Variants in ARID2 observed in about 807,000 individuals in gnomAD.
The protein encoded by ARID2 is AT-rich interaction domain 2, also known as AT-rich interactive domain-containing protein 2.
A neutral mutation model predicts 184.6 loss-of-function variants in ARID2; 32 were observed. The observed-to-expected ratio is 0.17, with a 90% CI of 0.13 to 0.23. ARID2 has a LOEUF of 0.23. ARID2 is among the 10% of genes least tolerant of loss of function. ARID2 has a pLI of 1.00. For synonymous variants in ARID2, 836 were observed against 772.6 expected, an observed-to-expected ratio of 1.08 and a Z score of -1.36; for missense variants, 1,696 against 2,197.6, an observed-to-expected ratio of 0.77 and a Z score of 4.56.
At chr12:45,854,560 A>G (rs1290967940) in intron 15 of ARID2, among the ~76,000 whole-genome samples, 4 of 152,234 alleles carry the variant, frequency 2.6e-5, no homozygotes, top group Non-Finnish European at 4.4e-5. Context: ...TAGATATTCC[A>G]TAGTTAGGTT....
chr12:45,850,594 C>T lies in ARID2; in HGVS notation c.2471C>T (p.Thr824Ile), dbSNP rs2138163338. The T allele has an allele frequency of 1.2e-6, 2 of 1,614,112 alleles. No individual in the cohort carries two copies. The highest frequency in any genetic ancestry group is 1.7e-6 in the Non-Finnish European group (2 of 1,179,984). ...TVSQGQQLITTSPQPVQTSSQ... is the reference protein window; with the variant it reads ...TVSQGQQLITISPQPVQTSSQ... ...TCACAGGGTCAACAGTTAATCACCA[C>T]ATCACCCCAACCTGTGCAAACTTCA... The change falls in exon 15 of 21, where the codon ACA becomes ATA. Residue 824 changes from threonine (T) to isoleucine (I), a missense_variant. Physicochemically the swap from Thr to Ile is moderately conservative, Grantham distance 89 (BLOSUM62 -1). Coordinates refer to ENST00000334344, the MANE Select transcript of ARID2 (RefSeq NM_152641.4).
chr12:45,739,695 C>T (rs980679994), intron 3 of ARID2, among the ~76,000 whole-genome samples: 10 of 151,768 alleles, frequency 6.6e-5, no homozygotes, highest in East Asian at 5.8e-4. Context: ...TTAAATAATA[C>T]GTATCTTTCA....
intron 3 of ARID2, among the ~76,000 whole-genome samples, chr12:45,731,950 T>A (rs1941011794): frequency 2.0e-5 from 3 of 152,028 alleles, no homozygotes; most frequent in African/African-American, 7.2e-5. Context: ...TGAAATGGGA[T>A]ACTATAATCT....
chr12:45,751,395 A>G (rs562339149), intron 3 of ARID2, among the ~76,000 whole-genome samples: 1 of 152,218 alleles, frequency 6.6e-6, no homozygotes, highest in Admixed American at 6.5e-5. Flanking sequence ...AGAGAGGTAC[A>G]ATCTGGGAGC....
intron 3 of ARID2, among the ~76,000 whole-genome samples, chr12:45,754,694 C>T (rs892024644): frequency 1.3e-5 from 2 of 152,226 alleles, no homozygotes; most frequent in South Asian, 2.1e-4. Flanking sequence ...ATTTATATCT[C>T]TATTACAAAC....
In ARID2 at chr12:45,808,709, C is replaced by T. The variant is rs542466015; in HGVS notation, c.285-2709C>T. On this transcript the variant is annotated intron_variant, in intron 3 of 20. Coordinates refer to ENST00000334344, the MANE Select transcript of ARID2 (RefSeq NM_152641.4). ...CTAACAATGTTGCTTTCTCTCCCGG[C>T]CGTTATTAAAAATGTGTGTTTGCGT... Among the ~76,000 whole-genome samples, 3 of 151,620 alleles carry T rather than the reference C, an allele frequency of 2.0e-5. No homozygotes were observed. In the East Asian group the frequency reaches 5.8e-4, roughly 29 times the overall value.
intron 16 of ARID2, chr12:45,880,946 A>T: frequency 5.0e-6 from 1 of 200,636 alleles, no homozygotes; most frequent in Non-Finnish European, 1.1e-5. Flanking sequence ...TTAATCTTCG[A>T]ACTTGACTTG....
At chr12:45,761,886 C>T (rs376430100) in intron 3 of ARID2, among the ~76,000 whole-genome samples, 3 of 152,040 alleles carry the variant, frequency 2.0e-5, no homozygotes, top group East Asian at 1.9e-4. Flanking sequence ...TTTTAACTAG[C>T]GCTTTATTCA....
At chr12:45,808,479 T>C (rs903377569) in intron 3 of ARID2, among the ~76,000 whole-genome samples, 2 of 152,132 alleles carry the variant, frequency 1.3e-5, no homozygotes, top group Non-Finnish European at 2.9e-5. Flanking sequence ...AAGAATCTGT[T>C]TGGAAGAATA....
rs1455202847 is a variant in ARID2, at chr12:45,850,998, A to C, written c.2875A>C (p.Thr959Pro). ...ANPAALPAGQTVQLTGQPNIT... is the reference protein window; with the variant it reads ...ANPAALPAGQPVQLTGQPNIT... The stretch of plus-strand genomic sequence containing the variant: ...TCCAGCAGCTCTTCCAGCTGGTCAG[A>C]CAGTTCAGCTAACTGGACAACCTAA... The change falls in exon 15 of 21, where the codon ACA (threonine) becomes CCA (proline). Residue 959 changes from threonine to proline, a missense_variant. Physicochemically the swap from Thr to Pro is conservative, Grantham distance 38. This residue lies in a region of ARID2 where 713 missense variants were observed against 824.4 expected (regional missense o/e 0.86). Transcript: ENST00000334344. 1 of 1,614,144 alleles carries C rather than the reference A, an allele frequency of 6.2e-7. No homozygotes were observed. The highest frequency in any genetic ancestry group is 8.5e-7 in the Non-Finnish European group (1 of 1,180,008).
At chr12:45,807,104 T>G (rs1024380961) in intron 3 of ARID2, among the ~76,000 whole-genome samples, 1 of 152,192 alleles carries the variant, frequency 6.6e-6, no homozygotes, top group Admixed American at 6.5e-5. Flanking sequence ...AAGATGTGTT[T>G]TGTAAGTTGG....
rs573867716 is a variant in ARID2, at chr12:45,731,857, T to C, written c.284+543T>C. On this transcript the variant is annotated intron_variant, in intron 3 of 20. Coordinates refer to ENST00000334344, the MANE Select transcript of ARID2 (RefSeq NM_152641.4). ...ACCAGGATTGTTTTGATAATTACTT[T>C]TTGTTGAATTTCCAGTGACTTAAAT... is the stretch of plus-strand genomic sequence containing the variant. Among the ~76,000 whole-genome samples, 5 of 152,152 alleles carry C rather than the reference T, an allele frequency of 3.3e-5. No individual in the cohort carries two copies. In the East Asian group the frequency reaches 9.6e-4, roughly 29 times the overall value.
chr12:45,763,695 T>C (rs897487068), intron 3 of ARID2, among the ~76,000 whole-genome samples: 3 of 152,142 alleles, frequency 2.0e-5, no homozygotes. Context: ...TTTTCTGTGT[T>C]GCTCAGACTA....
rs1943736579 is a variant in ARID2, at chr12:45,860,999, G to A, written c.4922+50G>A. 2.2e-6 allele frequency: 3 copies of A among 1,380,272 alleles called. No homozygotes were observed. The South Asian group carries it at 6.1e-5, about 28-fold the overall frequency. 85.5% of individuals were successfully genotyped at this position (1,380,272 alleles called of 1,614,324 possible). On this transcript the variant is annotated intron_variant, in intron 16 of 20. Coordinates refer to ENST00000334344, the MANE Select transcript of ARID2 (RefSeq NM_152641.4). ...ATAAAAGTATTCTTTGTTTTGGAATGCTTTTATATTTAAGTTTCTGTCATC... is the reference window on the plus strand; with the variant it reads ...ATAAAAGTATTCTTTGTTTTGGAATACTTTTATATTTAAGTTTCTGTCATC...
rs1943564780 is a variant in ARID2, at chr12:45,852,189, C to A, written c.4066C>A (p.Pro1356Thr). The change falls in exon 15 of 21, where the codon CCG becomes ACG. Residue 1356 changes from proline (P) to threonine (T), a missense_variant. By Grantham distance (38) the Pro-to-Thr change is conservative (BLOSUM62 -1). This residue lies in a region of ARID2 where 428 missense variants were observed against 409.1 expected (regional missense o/e 1.05). Coordinates refer to ENST00000334344, the MANE Select transcript of ARID2 (RefSeq NM_152641.4). ...MQDIKSDLRK[P>T]LVNGICDFDK... ...AGATATCAAAAGTGATTTGAGAAAA[C>A]CGCTAGTTAATGGAATCTGTGATTT... The A allele has an allele frequency of 6.2e-7, 1 of 1,614,010 alleles. No homozygotes were observed. The highest frequency in any genetic ancestry group is 1.1e-5 in the South Asian group (1 of 91,074).
Position 45,837,368 on chromosome 12 carries a change from T to G in ARID2, c.1071T>G (p.His357Gln). 6.2e-7 allele frequency: 1 copy of G among 1,612,442 alleles called. No individual in the cohort carries two copies. Among genetic ancestry groups the G allele is most frequent in the Non-Finnish European group, 8.5e-7 (1 of 1,179,528 alleles). The change falls in exon 9 of 21, where the codon CAT (histidine) becomes CAG (glutamine). Residue 357 changes from histidine (H) to glutamine (Q), a missense_variant. Coordinates refer to ENST00000334344, the MANE Select transcript of ARID2 (RefSeq NM_152641.4). ...TCAAAACTACTCATCTGATGTTTCATACTGTTACAAAATGTCTAATGTCAA... is the reference window on the plus strand; with the variant it reads ...TCAAAACTACTCATCTGATGTTTCAGACTGTTACAAAATGTCTAATGTCAA... ...VDFKTTHLMF[H>Q]TVTKCLMSRD...
rs749745926 is a variant in ARID2, at chr12:45,852,700, C to T, written c.4577C>T (p.Thr1526Ile). 6.2e-6 allele frequency: 10 copies of T among 1,614,028 alleles called. No individual in the cohort carries two copies. The highest frequency in any genetic ancestry group is 1.1e-5 in the South Asian group (1 of 91,092). ...KRPAEDTDRE[T>I]VAGIPNKVGV... ...CCAGCAGAGGATACTGATAGGGAAA[C>T]AGTCGCAGGAATTCCAAATAAAGTA... The change falls in exon 15 of 21, where the codon ACA becomes ATA. Residue 1526 changes from threonine (T) to isoleucine (I), a missense_variant. This residue lies in a region of ARID2 where 111 missense variants were observed against 154.0 expected (regional missense o/e 0.72). Transcript: ENST00000334344.
chr12:45,738,082 G>A (rs930850645), intron 3 of ARID2, among the ~76,000 whole-genome samples: 24 of 150,910 alleles, frequency 1.6e-4, no homozygotes, highest in African/African-American at 5.3e-4. Flanking sequence ...TATATGTATG[G>A]TTTTTTTTTC....
At chr12:45,766,713 A>G (rs529678313) in intron 3 of ARID2, among the ~76,000 whole-genome samples, 1 of 151,718 alleles carries the variant, frequency 6.6e-6, no homozygotes, top group African/African-American at 2.4e-5. Flanking sequence ...ACAGGGTTTC[A>G]CCGTGTTAGC....
Sources: allele counts gnomAD v4.1 joint callset (sites outside exome capture counted in the v4.1 genomes callset), GRCh38; gene constraint gnomAD v4.1.1; regional missense constraint gnomAD v4.1.1; transcripts MANE v1.5; gene names NCBI Gene and HGNC (gene_info 2026-07-23, HGNC 2026-07-21).